NAF1: variants seen among roughly 807,000 people sequenced by gnomAD.
NAF1 encodes nuclear assembly factor 1 ribonucleoprotein, also known as H/ACA ribonucleoprotein complex non-core subunit NAF1.
Under a neutral mutation model 40.6 loss-of-function variants are expected in NAF1, and 11 were observed. That is an observed-to-expected ratio of 0.27 (90% CI 0.17 to 0.45). The LOEUF is 0.45. Ranked by LOEUF, NAF1 falls within the 20% of genes least tolerant of loss-of-function variation. NAF1 has a pLI of 1.00. For missense variants in NAF1, 607 were observed against 611.1 expected (o/e 0.99, Z 0.07); for synonymous variants, 260 against 228.5 (o/e 1.14, Z -1.24).
intron 2 of NAF1, among the ~76,000 whole-genome samples, chr4:163,151,506 C>T (rs1250710842): frequency 2.0e-5 from 3 of 152,014 alleles, no homozygotes; most frequent in Non-Finnish European, 2.9e-5. Context: ...TCTTTTCTCT[C>T]ACTGATTTGA....
At chr4:163,130,381 AAG>A (rs1334495400) in intron 7 of NAF1, among the ~76,000 whole-genome samples, 1 of 152,230 alleles carries the variant, frequency 6.6e-6, no homozygotes, top group African/African-American at 2.4e-5. Context: ...TTAGGAAAAA[AAG>A]AAGATATAAA....
intron 2 of NAF1, among the ~76,000 whole-genome samples, chr4:163,162,561 A>T (rs1381297980): frequency 2.0e-5 from 3 of 152,210 alleles, no homozygotes; most frequent in Non-Finnish European, 4.4e-5. Flanking sequence ...GCAAACATAC[A>T]CTTACACAAT....
intron 2 of NAF1, among the ~76,000 whole-genome samples, chr4:163,114,834 G>T (rs1730276306): frequency 6.6e-6 from 1 of 152,070 alleles, no homozygotes; most frequent in African/African-American, 2.4e-5. Flanking sequence ...ACTGGTAAAG[G>T]TATCTGGACC....
At chr4:163,133,022 G>T in intron 7 of NAF1, 132 bp downstream of exon 7, 1 of 696,732 alleles carries the variant, frequency 1.4e-6, no homozygotes, top group Non-Finnish European at 2.3e-6. Context: ...GCTATGTAAT[G>T]GCTCTAAATG....
At chr4:163,153,877 T>C (rs1349317884) in intron 2 of NAF1, among the ~76,000 whole-genome samples, 1 of 152,148 alleles carries the variant, frequency 6.6e-6, no homozygotes, top group Non-Finnish European at 1.5e-5. Flanking sequence ...TTGCTACTGC[T>C]CACTCTTTGG....
At position 163,133,271 on chromosome 4, in the gene NAF1, T is replaced by C. The variant is rs1730937544; in HGVS notation, c.931-15A>G. ...AAATCTAAGGCCTTGCAGAGAAAAG[T>C]ATATAATAGGTTTATGTTACATGAA... On this transcript the variant is annotated splice_polypyrimidine_tract_variant and intron_variant, in intron 6 of 7. Coordinates refer to ENST00000274054, the MANE Select transcript of NAF1 (RefSeq NM_138386.3). 1.9e-6 allele frequency: 3 copies of C among 1,596,258 alleles called. No individual in the cohort carries two copies. The Admixed American group carries it at 5.0e-5, about 27-fold the overall frequency.
At chr4:163,146,598 T>C (rs1731479459) in intron 3 of NAF1, among the ~76,000 whole-genome samples, 1 of 152,180 alleles carries the variant, frequency 6.6e-6, no homozygotes, top group Admixed American at 6.5e-5. Flanking sequence ...ATAAAATATA[T>C]TACCTCAGAT....
rs76072703 is a variant in NAF1, at chr4:163,147,689, G to A, written c.634+652C>T. ...ATCTGTAAATACATTACATTTTTAA[G>A]AGCCTTTGCAGATGTGATTAAAGTT... On this transcript the variant is annotated intron_variant, in intron 3 of 7. Coordinates refer to ENST00000274054, the MANE Select transcript of NAF1 (RefSeq NM_138386.3). 4.1e-3 allele frequency among the ~76,000 whole-genome samples: 627 copies of A among 152,240 alleles called. 3 individuals carry two copies. The highest frequency in any genetic ancestry group is 0.014 in the African/African-American group (581 of 41,540).
Position 163,148,416 on chromosome 4 carries a change from C to T in NAF1, c.559G>A (p.Glu187Lys). ...LLLNELPSVE[E>K]LTIILPEDIE... is the part of the protein sequence containing the mutation. ...TCTTCAGGCAGAATAATAGTGAGTT[C>T]TTCAACAGAAGGCAGTTCCTATAAT... The change falls in exon 3 of 8, where the codon GAA becomes AAA. Residue 187 changes from glutamate to lysine, a missense_variant. Around this residue, in one of 3 missense-constraint regions of NAF1, gnomAD observed 407 missense variants for 365.5 expected, o/e 1.11. Transcript: ENST00000274054. 6.3e-7 allele frequency: 1 copy of T among 1,582,502 alleles called. No individual in the cohort carries two copies. The highest frequency in any genetic ancestry group is 8.6e-7 in the Non-Finnish European group (1 of 1,169,452).
At chr4:163,145,895 T>C (rs1325924445) in intron 3 of NAF1, 31 bp from the exon 4 acceptor site, 6 of 1,046,256 alleles carry the variant, frequency 5.7e-6, no homozygotes, top group Non-Finnish European at 8.5e-6. Context: ...CTTCAAGATT[T>C]ACTTATAAGA....
At chr4:163,130,679 A>T (rs1479825561) in intron 7 of NAF1, among the ~76,000 whole-genome samples, 1 of 152,256 alleles carries the variant, frequency 6.6e-6, no homozygotes, top group African/African-American at 2.4e-5. Flanking sequence ...CAAAAGCAAT[A>T]CAACAGAGCA....
intron 2 of NAF1, among the ~76,000 whole-genome samples, chr4:163,118,638 AGCTACTTGGGAGGATGAG>A (rs1213493581): frequency 2.0e-5 from 3 of 152,210 alleles, no homozygotes; most frequent in Non-Finnish European, 4.4e-5. Flanking sequence ...CTGTAGTCCC[AGCTACTTGGGAGGATGAG>A]GCACAAGAAT....
chr4:163,138,597 C>CCACCAA (rs1428539491), intron 5 of NAF1, among the ~76,000 whole-genome samples: 3 of 152,070 alleles, frequency 2.0e-5, no homozygotes, highest in African/African-American at 7.2e-5. Context: ...ACAAAGTACT[C>CCACCAA]CACCAAGTTC....
At chr4:163,133,574 G>A (rs753142642) in intron 6 of NAF1, 106 of 222,106 alleles carry the variant, frequency 4.8e-4, no homozygotes, top group Non-Finnish European at 8.7e-4. Context: ...CAAGGACTAA[G>A]CAAATTATAT....
the NAF1 span, among the ~76,000 whole-genome samples, chr4:163,104,716 C>A: frequency 6.6e-6 from 1 of 152,184 alleles, no homozygotes; most frequent in Non-Finnish European, 1.5e-5. Context: ...AAAAGTGATA[C>A]GCTTTACTTT....
chr4:163,157,039 C>T (rs2111030511), intron 2 of NAF1: 1 of 152,140 alleles, frequency 6.6e-6, no homozygotes, highest in South Asian at 2.1e-4. Flanking sequence ...TCATTCACAT[C>T]ATTAGCAAAT....
rs116085275 is a variant in NAF1 at position 163,113,538 on chromosome 4, C to T, written c.115-3248G>A. On this transcript the variant is annotated intron_variant, in intron 2 of 2. Transcript: ENST00000509434. ...ACAATGCTGCATTTGTAAGTTCAGC[C>T]GCCCACAGGATCAGACTTCAAGCTT... Among the ~76,000 whole-genome samples, 485 of 152,154 alleles carry T rather than the reference C, an allele frequency of 3.2e-3. 3 individuals carry two copies. The highest frequency in any genetic ancestry group is 0.011 in the African/African-American group (438 of 41,504).
At chr4:163,142,005 C>A in intron 4 of NAF1, 1 of 741,044 alleles carries the variant, frequency 1.3e-6, no homozygotes, top group Non-Finnish European at 1.6e-6. Flanking sequence ...ATTAAAATGC[C>A]AATGTATTAT....
chr4:163,122,604 C>T (rs947744534), downstream of NAF1, among the ~76,000 whole-genome samples: 1 of 152,196 alleles, frequency 6.6e-6, no homozygotes, highest in Non-Finnish European at 1.5e-5. Flanking sequence ...AAGTATCCTA[C>T]TATAGTTTGA....
Sources: gnomAD v4.1 joint callset for allele counts (sites outside exome capture counted in the v4.1 genomes callset) on GRCh38, gnomAD v4.1.1 for gene constraint, gnomAD v4.1.1 regional missense constraint, MANE v1.5 for transcripts, NCBI Gene and HGNC (gene_info 2026-07-23, HGNC 2026-07-21) for gene names.